The following C4orf50 variants were observed in gnomAD, a reference collection of about 807,000 sequenced individuals.
The protein encoded by C4orf50 is chromosome 4 open reading frame 50.
A neutral mutation model predicts 77.2 loss-of-function variants in C4orf50; 80 were observed. The observed-to-expected ratio is 1.04, with a 90% confidence interval of 0.87 to 1.25. C4orf50 has a LOEUF of 1.25. C4orf50 is among the 50% of genes most tolerant of loss of function. The pLI is 0.00. For synonymous variants in C4orf50, 532 were observed against 465.3 expected (o/e 1.14, Z -1.84); for missense variants, 1,257 against 1,152.9 (o/e 1.09, Z -1.31).
chr4:5,973,138 G>A (rs1405796032), intron 31 of C4orf50, among the ~76,000 whole-genome samples: 1 of 152,230 alleles, frequency 6.6e-6, no homozygotes, highest in Non-Finnish European at 1.5e-5. Context: ...ACAAACTCCT[G>A]CAACAGCCAG....
chr4:5,971,118 A>C (rs75549984), intron 31 of C4orf50, among the ~76,000 whole-genome samples: 8,501 of 152,274 alleles, frequency 0.056, 421 homozygotes, highest in East Asian at 0.19. Context: ...TGAAGTTCCC[A>C]GGACCTGTCC....
In C4orf50 at chr4:6,018,150, T is replaced by C. The variant is rs981853041; in HGVS notation, c.282A>G (p.Arg94=). Residue 94 remains arginine, a synonymous_variant, in exon 23 of 34, where the codon AGA becomes AGG. Transcript: ENST00000531445. This position sits in a 1 kb window ranked among gnomAD's most constrained non-coding sequence, Gnocchi z 5.1. ...GATCAAAATGGCATCGCTACCTGCT[T>C]CTCAGCCCGGACTCCGATGTCACGT... 7.5e-6 allele frequency: 3 copies of C among 398,702 alleles called. No homozygotes were observed. The highest frequency in any genetic ancestry group is 8.8e-6 in the Non-Finnish European group (2 of 226,080). The allele number at this position is 398,702 out of a possible 1,614,324, so 24.7% of individuals were successfully genotyped here. A position where few individuals can be genotyped will look rare whatever the true frequency, so the allele number is the denominator to read the frequency against.
At chr4:5,917,574 CA>C (rs1049190174) in intron 7 of C4orf50, among the ~76,000 whole-genome samples, 18 of 151,954 alleles carry the variant, frequency 1.2e-4, no homozygotes, top group African/African-American at 4.1e-4. Flanking sequence ...CCACCACATC[CA>C]GCTAATTTTT....
chr4:5,966,099 C>G (rs1207303779), intron 32 of C4orf50, among the ~76,000 whole-genome samples: 1 of 152,206 alleles, frequency 6.6e-6, no homozygotes, highest in African/African-American at 2.4e-5. Flanking sequence ...CACCTGTTCC[C>G]CCAAAACTAT....
chr4:6,001,697 C>G (rs1472047537), intron 25 of C4orf50, among the ~76,000 whole-genome samples: 1 of 152,250 alleles, frequency 6.6e-6, no homozygotes, highest in African/African-American at 2.4e-5. Context: ...ATTCACCCAG[C>G]ACCTCTTCTG....
At chr4:5,953,051 G>A (rs2108757586), downstream of C4orf50, among the ~76,000 whole-genome samples, 1 of 152,332 alleles carries the variant, frequency 6.6e-6, no homozygotes, top group Non-Finnish European at 1.5e-5. Flanking sequence ...TGTCCTGCAT[G>A]GGGTGTGCTA....
chr4:6,004,285 G>T (rs1722099464), intron 25 of C4orf50, among the ~76,000 whole-genome samples: 1 of 77,508 alleles, frequency 1.3e-5, no homozygotes, highest in African/African-American at 4.9e-5. Flanking sequence ...TGATGGTGAT[G>T]TTGGTGATGA....
In C4orf50 at chr4:5,970,686, C is replaced by A. The variant is rs899194410; in HGVS notation, c.4104+2973G>T. ...GAAAATGGAAATACAAAGACTCAGT[C>A]ACGTGCAGGGAGGGGAGGTGGTCAC... On this transcript the variant is annotated intron_variant, in intron 31 of 33. Transcript: ENST00000531445. This position sits in a 1 kb window ranked among gnomAD's most constrained non-coding sequence, Gnocchi z 4.3. Among the ~76,000 whole-genome samples, 1 of 152,206 alleles carries A rather than the reference C, an allele frequency of 6.6e-6. No individual in the cohort carries two copies. The highest frequency in any genetic ancestry group is 2.4e-5 in the African/African-American group (1 of 41,458).
intron 7 of C4orf50, among the ~76,000 whole-genome samples, chr4:5,936,029 C>G (rs1717996921): frequency 1.3e-5 from 2 of 151,978 alleles, no homozygotes. Flanking sequence ...AGAGCTTTAT[C>G]TATATGGATT....
chr4:5,995,340 G>A (rs1014492785), intron 25 of C4orf50, among the ~76,000 whole-genome samples: 6 of 152,294 alleles, frequency 3.9e-5, no homozygotes, highest in South Asian at 2.1e-4. Flanking sequence ...GCGACTGCCC[G>A]GTACCTTGGC....
chr4:5,915,788 T>C (rs1238732048), intron 7 of C4orf50, among the ~76,000 whole-genome samples: 1 of 152,236 alleles, frequency 6.6e-6, no homozygotes, highest in Admixed American at 6.5e-5. Context: ...AAGCATCTCC[T>C]GCCTGACTCA....
rs894224572 is a variant in C4orf50 at position 6,015,819 on chromosome 4, G to T, written c.287+2326C>A. On this transcript the variant is annotated intron_variant, in intron 23 of 33. Transcript: ENST00000531445. The surrounding 1 kb of genome is among the most constrained non-coding windows in gnomAD (Gnocchi z 4.4). ...AGCCAGCTGCATGCAATCCCACACT[G>T]GCGGCCACACTGCCATCCCTAGACT... Among the ~76,000 whole-genome samples the T allele has an allele frequency of 6.6e-6, 1 of 152,142 alleles. No individual in the cohort carries two copies. The highest frequency in any genetic ancestry group is 1.5e-5 in the Non-Finnish European group (1 of 68,018).
intron 7 of C4orf50, among the ~76,000 whole-genome samples, chr4:5,922,701 C>G (rs1188983932): frequency 6.6e-6 from 1 of 152,214 alleles, no homozygotes; most frequent in Non-Finnish European, 1.5e-5. Flanking sequence ...CTCCTGCATC[C>G]ATGGCAGTGC....
At chr4:5,939,531 C>T (rs1028933755) in intron 7 of C4orf50, among the ~76,000 whole-genome samples, 3 of 152,178 alleles carry the variant, frequency 2.0e-5, no homozygotes, top group Non-Finnish European at 2.9e-5. Flanking sequence ...AGCAGAGCCT[C>T]GACATTGATC....
At chr4:5,982,606 T>A (rs1560581060) in intron 28 of C4orf50, among the ~76,000 whole-genome samples, 1 of 151,876 alleles carries the variant, frequency 6.6e-6, no homozygotes, top group African/African-American at 2.4e-5. Flanking sequence ...CACATCTGGG[T>A]TGGGGGGACA....
At chr4:5,914,205 G>GTTTTTT (rs1207974269) in intron 7 of C4orf50, among the ~76,000 whole-genome samples, 2 of 78,162 alleles carry the variant, frequency 2.6e-5, no homozygotes, top group African/African-American at 8.3e-5. Flanking sequence ...TTTTATGGGT[G>GTTTTTT]TTTTTTTTTT....
At chr4:5,969,559 C>A (rs1487529229) in intron 31 of C4orf50, among the ~76,000 whole-genome samples, 4 of 151,940 alleles carry the variant, frequency 2.6e-5, no homozygotes, top group Admixed American at 1.3e-4. Context: ...CTAGTATGCC[C>A]AAGGCCCCTG....
intron 25 of C4orf50, 93 bp from the exon 4 acceptor site, chr4:5,994,569 G>A (rs1721475376): frequency 2.5e-6 from 1 of 398,328 alleles, no homozygotes; most frequent in East Asian, 3.6e-5. Flanking sequence ...CCAGAAGGGA[G>A]CTTGAGTCTC....
Position 5,996,404 on chromosome 4 carries a change from C to T in C4orf50, c.964-1928G>A, listed in dbSNP as rs1045007922. Among the ~76,000 whole-genome samples, 4 of 152,146 alleles carry T rather than the reference C, an allele frequency of 2.6e-5. No homozygotes were observed. In the South Asian group the frequency reaches 8.3e-4, roughly 32 times the overall value. ...TCTCACCCTTCGACGCTTCCTGTTA[C>T]ACTGAAAGAGAAACCCCCGCCGGCC... On this transcript the variant is annotated intron_variant, in intron 25 of 33. Transcript: ENST00000531445.
Sources: allele counts gnomAD v4.1 joint callset (sites outside exome capture counted in the v4.1 genomes callset), GRCh38; gene constraint gnomAD v4.1.1; non-coding constraint Gnocchi (gnomAD v3.1); transcripts MANE v1.5; gene names NCBI Gene and HGNC (gene_info 2026-07-23, HGNC 2026-07-21).